The following TMBIM1 variants were observed in gnomAD, a reference collection of about 807,000 sequenced individuals.
The protein encoded by TMBIM1 is protein lifeguard 3.
A neutral mutation model predicts 45.1 loss-of-function variants in TMBIM1; 34 were observed. The ratio of observed to expected loss-of-function variants is 0.75; its 90% CI spans 0.57 to 1.00. TMBIM1 has a LOEUF of 1.00. TMBIM1 is among the 50% of genes least tolerant of loss of function. TMBIM1 has a pLI of 0.00. For missense variants in TMBIM1, 374 were observed against 402.4 expected, an observed-to-expected ratio of 0.93 and a Z score of 0.60; for synonymous variants, 157 against 153.5, an observed-to-expected ratio of 1.02 and a Z score of -0.17.
intron 2 of TMBIM1, among the ~76,000 whole-genome samples, chr2:218,281,168 C>G (rs1359551082): frequency 2.2e-4 from 16 of 73,384 alleles, no homozygotes; most frequent in Non-Finnish European, 4.4e-4. Context: ...GAGTCTTGCT[C>G]TGTTGCTCAG....
intron 2 of TMBIM1, 155 bp from the exon 3 acceptor site, chr2:218,280,281 C>T (rs1376863041): frequency 1.6e-6 from 1 of 615,846 alleles, no homozygotes; most frequent in Non-Finnish European, 2.9e-6. Context: ...TTCTAGACAC[C>T]CTCAGAGTGA....
intron 1 of TMBIM1, among the ~76,000 whole-genome samples, chr2:218,285,073 G>C (rs1363886955): frequency 2.0e-5 from 3 of 152,250 alleles, no homozygotes; most frequent in African/African-American, 7.2e-5. Flanking sequence ...CTGGGTGACA[G>C]AGTGAGACTT....
chr2:218,277,186 G>T, intron 9 of TMBIM1, 87 bp from the exon 10 acceptor site: 1 of 1,246,664 alleles, frequency 8.0e-7, no homozygotes, highest in Non-Finnish European at 1.2e-6. Flanking sequence ...TCCCAGTGCT[G>T]CCTCCTAGGG....
In TMBIM1 at chr2:218,292,091, C is replaced by A. The variant is rs558437189; in HGVS notation, c.-41+375G>T. Among the ~76,000 whole-genome samples the A allele has an allele frequency of 5.9e-5, 9 of 152,324 alleles. No individual in the cohort carries two copies. The East Asian group carries it at 1.7e-3, about 29-fold the overall frequency. On this transcript the variant is annotated intron_variant, in intron 1 of 11. Coordinates refer to ENST00000258412, the MANE Select transcript of TMBIM1 (RefSeq NM_022152.6). ...GCTGAGGGCCATGAAAGCCCTCATC[C>A]CACACAGCTGGCCACTCGGGCTGGC...
At chr2:218,289,757 T>C (rs1229347970) in intron 1 of TMBIM1, among the ~76,000 whole-genome samples, 2 of 151,888 alleles carry the variant, frequency 1.3e-5, no homozygotes, top group African/African-American at 4.8e-5. Flanking sequence ...AGGGGGTCAC[T>C]ACTGATGTGC....
chr2:218,278,493 G>A (rs756151602), intron 6 of TMBIM1, 22 bp downstream of exon 6: 1 of 1,613,078 alleles, frequency 6.2e-7, no homozygotes, highest in South Asian at 1.1e-5. Context: ...CCCTCTCACT[G>A]TGTTAAGTCT....
At position 218,282,105 on chromosome 2, in the gene TMBIM1, G is replaced by T; in HGVS notation, c.37C>A (p.Arg13Ser). 1 of 1,555,138 alleles carries T rather than the reference G, an allele frequency of 6.4e-7. No individual in the cohort carries two copies. ...GGAGGGCCTGGGTACAGGGGGTTGC[G>T]GTCTTCATATGGTGGTGGGGCGCTG... ...NPSAPPPYEDRNPLYPGPPPP... is the reference protein window; with the variant it reads ...NPSAPPPYEDSNPLYPGPPPP... The change falls in exon 2 of 12, where the codon CGC (arginine) becomes AGC (serine). Residue 13 changes from arginine (R) to serine (S), a missense_variant. Transcript: ENST00000258412.
At chr2:218,289,367 C>T (rs535517219) in intron 1 of TMBIM1, among the ~76,000 whole-genome samples, 8 of 152,206 alleles carry the variant, frequency 5.3e-5, no homozygotes, top group Non-Finnish European at 1.2e-4. Flanking sequence ...AATGGCCAGG[C>T]GCGGTGGCTC....
intron 6 of TMBIM1, chr2:218,278,267 C>G: frequency 1.6e-6 from 1 of 606,100 alleles, no homozygotes; most frequent in South Asian, 2.0e-5. Context: ...GCCTCGGGTT[C>G]TTCCTATTTG....
At position 218,275,522 on chromosome 2, in the gene TMBIM1, T is replaced by A. The variant is rs1691100411; in HGVS notation, c.889A>T (p.Ile297Phe). The change falls in exon 12 of 12, where the codon ATC (isoleucine) becomes TTC (phenylalanine). Residue 297 changes from isoleucine to phenylalanine, a missense_variant. Coordinates refer to ENST00000258412, the MANE Select transcript of TMBIM1 (RefSeq NM_022152.6). ...TGALQIYTDI[I>F]YIFTFVLQLM... ...TGCAGCACAAAGGTGAAGATGTAGA[T>A]GATGTCTGTGTAAATCTGCAGGGCG... 2 of 1,614,026 alleles carry A rather than the reference T, an allele frequency of 1.2e-6. No homozygotes were observed. Among genetic ancestry groups the A allele is most frequent in the Non-Finnish European group, 1.7e-6 (2 of 1,180,028 alleles).
chr2:218,290,166 A>C (rs1692839914), intron 1 of TMBIM1: 1 of 152,230 alleles, frequency 6.6e-6, no homozygotes, highest in African/African-American at 2.4e-5. Context: ...TGAGTGCTGG[A>C]AACAGATGAC....
chr2:218,276,255 A>T (rs1027186687), intron 10 of TMBIM1, among the ~76,000 whole-genome samples, 176 bp from the exon 11 acceptor site: 11 of 152,196 alleles, frequency 7.2e-5, no homozygotes, highest in Non-Finnish European at 1.6e-4. Context: ...TGATATATCC[A>T]GCAGAGAAAG....
chr2:218,279,821 T>C lies in TMBIM1; in HGVS notation c.303+205A>G, dbSNP rs138267449. 4.2e-4 allele frequency among the ~76,000 whole-genome samples: 62 copies of C among 147,422 alleles called. 2 individuals are homozygous for C. In the South Asian group the frequency reaches 7.6e-3, roughly 18 times the overall value. ...AGACTGAATGTGTCCTCCCAAAACA[T>C]GGTCAAGAAGAGAGGTGCAAAAAGA... On this transcript the variant is annotated intron_variant, in intron 3 of 11. Coordinates refer to ENST00000258412, the MANE Select transcript of TMBIM1 (RefSeq NM_022152.6).
chr2:218,282,701 A>T (rs111789184), intron 1 of TMBIM1, among the ~76,000 whole-genome samples: 250 of 152,276 alleles, frequency 1.6e-3, no homozygotes, highest in Non-Finnish European at 2.1e-3. Context: ...CGGGGGAAGA[A>T]GTGGAGGAAA....
chr2:218,281,921 C>T lies in TMBIM1; in HGVS notation c.202+19G>A. 1 of 1,569,878 alleles carries T rather than the reference C, an allele frequency of 6.4e-7. No individual in the cohort carries two copies. The highest frequency in any genetic ancestry group is 8.6e-7 in the Non-Finnish European group (1 of 1,157,070). On this transcript the variant is annotated intron_variant, in intron 2 of 11. Transcript: ENST00000258412. ...GCTGTCCCTCCCACCCACCTTCCAT[C>T]TGCCCTTCCAGGACTCACCGTAGTT...
At chr2:218,282,921 C>T (rs1226395961) in intron 1 of TMBIM1, among the ~76,000 whole-genome samples, 2 of 152,154 alleles carry the variant, frequency 1.3e-5, no homozygotes, top group South Asian at 2.1e-4. Context: ...GAAAGGCATG[C>T]GGCAGCCTGC....
chr2:218,279,373 C>T lies in TMBIM1; in HGVS notation c.304-20G>A, dbSNP rs759436684. ...GTAAACCTGGACACAGACGGCCGGGCATGGGTCACCATCCGGCACCCCTGG... is the reference window on the plus strand; with the variant it reads ...GTAAACCTGGACACAGACGGCCGGGTATGGGTCACCATCCGGCACCCCTGG... On this transcript the variant is annotated intron_variant, in intron 3 of 11. Coordinates refer to ENST00000258412, the MANE Select transcript of TMBIM1 (RefSeq NM_022152.6). The T allele has an allele frequency of 2.6e-6, 4 of 1,538,968 alleles. No individual in the cohort carries two copies. In the Admixed American group the frequency reaches 8.3e-5, roughly 32 times the overall value.
intron 2 of TMBIM1, chr2:218,281,140 G>GTT (rs368774492): frequency 8.8e-6 from 1 of 113,696 alleles, no homozygotes; most frequent in South Asian, 2.5e-4. Context: ...TTTTTTTTTT[G>GTT]GTTTTTTTTT....
chr2:218,290,655 C>T (rs1692874117), intron 1 of TMBIM1, among the ~76,000 whole-genome samples: 1 of 152,234 alleles, frequency 6.6e-6, no homozygotes, highest in South Asian at 2.1e-4. Flanking sequence ...CTCTGTGCAA[C>T]GGGGCAAAGC....
Sources: gnomAD v4.1 joint callset for allele counts (sites outside exome capture counted in the v4.1 genomes callset) on GRCh38, gnomAD v4.1.1 for gene constraint, MANE v1.5 for transcripts, NCBI Gene and HGNC (gene_info 2026-07-23, HGNC 2026-07-21) for gene names.